Variants in NR6A1 observed in about 807,000 individuals in gnomAD.
NR6A1 encodes nuclear receptor subfamily 6 group A member 1, also known as retinoic acid receptor-related testis-associated receptor.
NR6A1 carries 7 observed loss-of-function variants against 59.1 expected under a neutral mutation model. That is an observed-to-expected ratio of 0.12 (90% CI 0.07 to 0.22). NR6A1 has a LOEUF of 0.22. Among genes scored for constraint, NR6A1 ranks in the 10% least tolerant of loss-of-function variants. The probability of loss-of-function intolerance (pLI) is 1.00; values close to 1 mark genes in which losing one functional copy is unlikely to be tolerated. For missense variants in NR6A1, 468 were observed against 611.6 expected, an observed-to-expected ratio of 0.77 and a Z score of 2.48; for synonymous variants, 243 against 236.1, an observed-to-expected ratio of 1.03 and a Z score of -0.27.
At chr9:124,769,240 T>C (rs866597010) in intron 1 of NR6A1, among the ~76,000 whole-genome samples, 1 of 127,152 alleles carries the variant, frequency 7.9e-6, no homozygotes, top group South Asian at 2.5e-4. Context: ...CCATCATACA[T>C]CATACACAAA....
intron 3 of NR6A1, among the ~76,000 whole-genome samples, chr9:124,549,261 G>A (rs1833697078): frequency 6.6e-6 from 1 of 152,192 alleles, no homozygotes; most frequent in Admixed American, 6.5e-5. Context: ...CTTCCAGGCA[G>A]ATGAAACCAC....
At position 124,706,653 on chromosome 9, in the gene NR6A1, G is replaced by C. The variant is rs573964515; in HGVS notation, c.142+26655C>G. On this transcript the variant is annotated intron_variant, in intron 2 of 9. Coordinates refer to ENST00000487099, the MANE Select transcript of NR6A1 (RefSeq NM_033334.4). ...CAGCCTCTCCTGACATGAGTAGCTG[G>C]GATTACTGACATGCGCCACCACACC... Among the ~76,000 whole-genome samples the C allele has an allele frequency of 2.4e-4, 36 of 152,090 alleles. 1 individual carries two copies. The highest frequency in any genetic ancestry group is 8.0e-4 in the African/African-American group (33 of 41,474).
intron 2 of NR6A1, among the ~76,000 whole-genome samples, chr9:124,611,184 C>A (rs4072705): frequency 0.56 from 84,069 of 150,114 alleles, 23,894 homozygotes; most frequent in African/African-American, 0.68. Context: ...AAAAAAAAAA[C>A]AAAATTGGGA....
At chr9:124,603,650 T>C (rs1157270249) in intron 2 of NR6A1, among the ~76,000 whole-genome samples, 1 of 152,156 alleles carries the variant, frequency 6.6e-6, no homozygotes, top group Non-Finnish European at 1.5e-5. Flanking sequence ...GATTCCGAAA[T>C]ATGAGACCAA....
At chr9:124,768,816 A>G (rs184593356) in intron 1 of NR6A1, among the ~76,000 whole-genome samples, 1 of 152,372 alleles carries the variant, frequency 6.6e-6, no homozygotes, top group East Asian at 1.9e-4. Context: ...ATTATTCTCA[A>G]GTAGAATTGA....
At chr9:124,723,925 T>TA (rs1286464352) in intron 2 of NR6A1, among the ~76,000 whole-genome samples, 2 of 152,106 alleles carry the variant, frequency 1.3e-5, no homozygotes, top group East Asian at 1.9e-4. Flanking sequence ...TTGGCTTGCA[T>TA]AAAAAAACTA....
intron 2 of NR6A1, among the ~76,000 whole-genome samples, chr9:124,573,667 G>A (rs920832580): frequency 2.6e-5 from 4 of 152,088 alleles, no homozygotes; most frequent in African/African-American, 9.7e-5. Context: ...AAATACAGCC[G>A]CTACATTGTA....
intron 2 of NR6A1, among the ~76,000 whole-genome samples, chr9:124,668,685 G>T (rs1041489775): frequency 1.3e-5 from 2 of 152,052 alleles, no homozygotes; most frequent in Non-Finnish European, 2.9e-5. Context: ...ATTAAAAATG[G>T]TTTTTGTAGA....
intron 1 of NR6A1, among the ~76,000 whole-genome samples, chr9:124,738,001 A>G (rs1289098584): frequency 1.2e-4 from 19 of 152,172 alleles, no homozygotes; most frequent in Admixed American, 1.2e-3. Context: ...CACGCCTGTA[A>G]TTCCAGCACT....
chr9:124,608,196 C>T (rs1050626036), intron 2 of NR6A1, among the ~76,000 whole-genome samples: 1 of 152,094 alleles, frequency 6.6e-6, no homozygotes, highest in African/African-American at 2.4e-5. Flanking sequence ...AGGTTTGTTA[C>T]ACAGGTAAAT....
chr9:124,658,237 C>T (rs1837320311), intron 2 of NR6A1, among the ~76,000 whole-genome samples: 1 of 152,134 alleles, frequency 6.6e-6, no homozygotes, highest in Non-Finnish European at 1.5e-5. Context: ...CAGCCAGACA[C>T]TCAAACTGCC....
chr9:124,744,251 G>C (rs1840260609), intron 1 of NR6A1, among the ~76,000 whole-genome samples: 1 of 151,924 alleles, frequency 6.6e-6, no homozygotes, highest in Non-Finnish European at 1.5e-5. Flanking sequence ...AAAAAGAAAA[G>C]AAAAGAAATT....
At chr9:124,558,139 G>GCATT (rs1218305817) in intron 2 of NR6A1, among the ~76,000 whole-genome samples, 1 of 152,166 alleles carries the variant, frequency 6.6e-6, no homozygotes, top group Non-Finnish European at 1.5e-5. Flanking sequence ...TCTGCATAAA[G>GCATT]CATTCCTATG....
intron 7 of NR6A1, among the ~76,000 whole-genome samples, chr9:124,534,458 C>A (rs1833193632): frequency 1.3e-5 from 2 of 152,196 alleles, no homozygotes; most frequent in Admixed American, 6.5e-5. Flanking sequence ...AATATGGTCA[C>A]CCTGTGCTCC....
At chr9:124,657,205 A>G (rs1477690972) in intron 2 of NR6A1, among the ~76,000 whole-genome samples, 1 of 150,504 alleles carries the variant, frequency 6.6e-6, no homozygotes, top group Non-Finnish European at 1.5e-5. Flanking sequence ...GGTTAAGACA[A>G]GAGAATAATT....
intron 2 of NR6A1, among the ~76,000 whole-genome samples, chr9:124,659,924 C>T (rs1236047957): frequency 6.6e-6 from 1 of 152,154 alleles, no homozygotes; most frequent in Non-Finnish European, 1.5e-5. Context: ...TTGGTTAATG[C>T]ATTGCATTTG....
chr9:124,707,668 TG>T (rs1191804356), intron 2 of NR6A1, among the ~76,000 whole-genome samples: 1 of 151,272 alleles, frequency 6.6e-6, no homozygotes, highest in Non-Finnish European at 1.5e-5. Context: ...GATGATGAGT[TG>T]TTTTTTGTTT....
At position 124,686,257 on chromosome 9, in the gene NR6A1, C is replaced by T. The variant is rs542787494; in HGVS notation, c.142+47051G>A. On this transcript the variant is annotated intron_variant, in intron 2 of 9. Coordinates refer to ENST00000487099, the MANE Select transcript of NR6A1 (RefSeq NM_033334.4). ...TCTTATATCACTGATACATCATCTG[C>T]GCTTCATAATTGTAAAAAAGGAAAG... is the stretch of plus-strand genomic sequence containing the variant. Among the ~76,000 whole-genome samples the T allele has an allele frequency of 3.3e-5, 5 of 152,228 alleles. No homozygotes were observed. In the East Asian group the frequency reaches 5.8e-4, roughly 18 times the overall value.
At chr9:124,550,186 T>C (rs2131376190) in intron 3 of NR6A1, among the ~76,000 whole-genome samples, 1 of 152,270 alleles carries the variant, frequency 6.6e-6, no homozygotes, top group South Asian at 2.1e-4. Context: ...GTACTGTTAA[T>C]CTTGATCACT....
Sources: gnomAD v4.1 joint callset for allele counts (sites outside exome capture counted in the v4.1 genomes callset) on GRCh38, gnomAD v4.1.1 for gene constraint, MANE v1.5 for transcripts, NCBI Gene and HGNC (gene_info 2026-07-23, HGNC 2026-07-21) for gene names.